The following HSF2BP variants were observed in gnomAD, a reference collection of about 807,000 sequenced individuals.
HSF2BP encodes the protein heat shock factor 2-binding protein.
A neutral mutation model predicts 35.0 loss-of-function variants in HSF2BP; 35 were observed. That is an observed-to-expected ratio of 1.00 (90% CI 0.76 to 1.32). The LOEUF is 1.32. Ranked by LOEUF, HSF2BP falls within the 40% of genes most tolerant of loss-of-function variation. The pLI is 0.00. For synonymous variants in HSF2BP, 114 were observed against 117.4 expected, an observed-to-expected ratio of 0.97 and a Z score of 0.18; for missense variants, 326 against 321.7, an observed-to-expected ratio of 1.01 and a Z score of -0.10.
At chr21:43,657,766 G>A (rs2082895011) in intron 2 of HSF2BP, 1 of 886,800 alleles carries the variant, frequency 1.1e-6, no homozygotes, top group African/African-American at 1.8e-5. Context: ...CCACGGAGCA[G>A]AGAAGAGAGT....
intron 7 of HSF2BP, among the ~76,000 whole-genome samples, chr21:43,603,611 G>A (rs1396194159): frequency 6.6e-6 from 1 of 152,152 alleles, no homozygotes; most frequent in Non-Finnish European, 1.5e-5. Context: ...CATGAGGTAT[G>A]GCTAAGACTG....
In HSF2BP at chr21:43,657,904, C is replaced by G. The variant is rs530048174; in HGVS notation, c.36+157G>C. 1.2e-5 allele frequency: 12 copies of G among 985,474 alleles called. No homozygotes were observed. The African/African-American group carries it at 1.6e-4, about 13-fold the overall frequency. 61.0% of individuals were successfully genotyped at this position (985,474 alleles called of 1,614,324 possible). ...CGCCTCCCGCCCCAGGTCTCCACCC[C>G]GCTCCGGCCCAGCCCACGCCGTTAG... On this transcript the variant is annotated intron_variant, in intron 2 of 8. Transcript: ENST00000291560.
chr21:43,580,736 C>G (rs551074317), intron 8 of HSF2BP, among the ~76,000 whole-genome samples: 13 of 152,224 alleles, frequency 8.5e-5, no homozygotes, highest in Non-Finnish European at 1.9e-4. Flanking sequence ...AAAACATTCA[C>G]ATGTAAAATT....
chr21:43,495,659 A>T, the HSF2BP span, among the ~76,000 whole-genome samples: 2 of 121,272 alleles, frequency 1.6e-5, 1 homozygote, highest in Non-Finnish European at 3.8e-5. Flanking sequence ...TGCTTGAAAG[A>T]GGGATCTGTC....
At chr21:43,652,308 C>G (rs750516095) in intron 3 of HSF2BP, among the ~76,000 whole-genome samples, 1 of 148,854 alleles carries the variant, frequency 6.7e-6, no homozygotes, top group Admixed American at 6.8e-5. Flanking sequence ...GAGGCTGAGG[C>G]AGGAGAATAG....
intron 4 of HSF2BP, among the ~76,000 whole-genome samples, chr21:43,635,813 C>T (rs577604722): frequency 1.3e-5 from 2 of 151,862 alleles, no homozygotes; most frequent in African/African-American, 4.8e-5. Context: ...CCTATAATCC[C>T]ACCTACTCGG....
At chr21:43,591,060 G>T (rs552846943) in intron 8 of HSF2BP, among the ~76,000 whole-genome samples, 7 of 151,890 alleles carry the variant, frequency 4.6e-5, no homozygotes, top group Admixed American at 3.9e-4. Flanking sequence ...AAATGGAACT[G>T]ACACTAAAAA....
chr21:43,635,520 T>G (rs2082539415), intron 4 of HSF2BP, among the ~76,000 whole-genome samples: 1 of 152,198 alleles, frequency 6.6e-6, no homozygotes, highest in Admixed American at 6.5e-5. Context: ...TGTCAACTGA[T>G]TTTAACAAAG....
chr21:43,638,021 C>T (rs564431744), intron 4 of HSF2BP, among the ~76,000 whole-genome samples: 2 of 151,968 alleles, frequency 1.3e-5, no homozygotes, highest in African/African-American at 4.8e-5. Flanking sequence ...GGCCTGGCTA[C>T]GCAAGAAGGA....
At chr21:43,655,686 G>A (rs1393355114) in intron 3 of HSF2BP, among the ~76,000 whole-genome samples, 1 of 152,200 alleles carries the variant, frequency 6.6e-6, no homozygotes, top group Non-Finnish European at 1.5e-5. Flanking sequence ...AAGGGAACCA[G>A]GAGAGCCCCA....
intron 4 of HSF2BP, among the ~76,000 whole-genome samples, chr21:43,636,657 C>T (rs1334630838): frequency 1.3e-5 from 2 of 151,938 alleles, no homozygotes; most frequent in Admixed American, 6.6e-5. Context: ...TTTGAGAGGC[C>T]GAGGCAGGCG....
intron 8 of HSF2BP, among the ~76,000 whole-genome samples, chr21:43,579,420 C>T (rs113241499): frequency 0.025 from 3,784 of 152,224 alleles, 49 homozygotes; most frequent in Middle Eastern, 0.065. Flanking sequence ...CCACAGATGC[C>T]ACCGTCTAAA....
chr21:43,617,079 C>T (rs2082280797), intron 6 of HSF2BP, among the ~76,000 whole-genome samples: 1 of 152,124 alleles, frequency 6.6e-6, no homozygotes, highest in South Asian at 2.1e-4. Flanking sequence ...AGCTAAGGCC[C>T]CAGATGTTGG....
At chr21:43,644,194 A>T in intron 4 of HSF2BP, 95 bp downstream of exon 4, 1 of 799,156 alleles carries the variant, frequency 1.3e-6, no homozygotes, top group Non-Finnish European at 2.2e-6. Flanking sequence ...GAGGATTAAG[A>T]GTAAAAAATT....
intron 6 of HSF2BP, among the ~76,000 whole-genome samples, chr21:43,627,308 T>G (rs1202425459): frequency 6.6e-6 from 1 of 152,232 alleles, no homozygotes; most frequent in East Asian, 1.9e-4. Flanking sequence ...AATTTAGGTT[T>G]TTGGAATTAT....
chr21:43,645,935 C>T (rs1057329858), intron 3 of HSF2BP, among the ~76,000 whole-genome samples: 7 of 151,898 alleles, frequency 4.6e-5, no homozygotes, highest in Admixed American at 3.3e-4. Flanking sequence ...CTAGAGACCC[C>T]GTCCTAGAAG....
chr21:43,649,028 C>T (rs1483391052), intron 3 of HSF2BP, among the ~76,000 whole-genome samples: 1 of 151,954 alleles, frequency 6.6e-6, no homozygotes, highest in Non-Finnish European at 1.5e-5. Flanking sequence ...ATTTTGTTTG[C>T]CTCATTTGCT....
chr21:43,605,240 C>T (rs963871703), intron 7 of HSF2BP, among the ~76,000 whole-genome samples: 3 of 147,906 alleles, frequency 2.0e-5, no homozygotes, highest in African/African-American at 7.5e-5. Flanking sequence ...CAGACACACA[C>T]CACACACCAC....
At chr21:43,585,857 T>A (rs1036473925) in intron 8 of HSF2BP, among the ~76,000 whole-genome samples, 2 of 152,168 alleles carry the variant, frequency 1.3e-5, no homozygotes, top group African/African-American at 4.8e-5. Flanking sequence ...GAATTTGGTG[T>A]GAGGGAAGAT....
Sources: allele counts gnomAD v4.1 joint callset (sites outside exome capture counted in the v4.1 genomes callset), GRCh38; gene constraint gnomAD v4.1.1; transcripts MANE v1.5; gene names NCBI Gene and HGNC (gene_info 2026-07-23, HGNC 2026-07-21).